TBC1D10A: variants seen among roughly 807,000 people sequenced by gnomAD.
The protein encoded by TBC1D10A is TBC1 domain family member 10A.
A neutral mutation model predicts 52.9 loss-of-function variants in TBC1D10A; 24 were observed. The observed-to-expected ratio is 0.45, with a 90% CI of 0.33 to 0.64. TBC1D10A has a LOEUF of 0.64. Among genes scored for constraint, TBC1D10A ranks in the 30% least tolerant of loss-of-function variants. The pLI, the probability that TBC1D10A is intolerant of heterozygous loss-of-function variation, is 0.02. For synonymous variants in TBC1D10A, 278 were observed against 282.9 expected (o/e 0.98, Z 0.17); for missense variants, 602 against 687.9 (o/e 0.88, Z 1.40).
intron 1 of TBC1D10A, among the ~76,000 whole-genome samples, chr22:30,308,671 C>A (rs534626882): frequency 1.3e-5 from 2 of 152,220 alleles, no homozygotes; most frequent in Non-Finnish European, 2.9e-5. Context: ...TTACTCAGCA[C>A]TGTCCCTCCC....
intron 1 of TBC1D10A, chr22:30,318,594 A>C (rs1051852559): frequency 5.7e-5 from 27 of 470,882 alleles, no homozygotes; most frequent in African/African-American, 5.4e-4. Context: ...CCCTGTAGCC[A>C]GAGGGCTCCA....
At chr22:30,319,763 G>A (rs1369496359) in intron 1 of TBC1D10A, among the ~76,000 whole-genome samples, 4 of 152,120 alleles carry the variant, frequency 2.6e-5, no homozygotes, top group African/African-American at 9.7e-5. Context: ...AGGGTCTCTG[G>A]GCCCAGGATT....
intron 1 of TBC1D10A, among the ~76,000 whole-genome samples, chr22:30,311,958 A>G (rs930148884): frequency 6.6e-6 from 1 of 151,910 alleles, no homozygotes. Flanking sequence ...ATGCCCCACT[A>G]AGTTTTGCAT....
intron 1 of TBC1D10A, among the ~76,000 whole-genome samples, chr22:30,325,789 GCTGTCT>G (rs1160129519): frequency 1.3e-5 from 2 of 152,142 alleles, no homozygotes; most frequent in African/African-American, 4.8e-5. Context: ...CAGGGACCCT[GCTGTCT>G]CCCTGCCTGC....
At chr22:30,308,288 C>CTGCA (rs199585965) in intron 1 of TBC1D10A, among the ~76,000 whole-genome samples, 36,338 of 144,514 alleles carry the variant, frequency 0.25, 4,677 homozygotes, top group East Asian at 0.36. Flanking sequence ...GCCTGCATGC[C>CTGCA]TGCATGCCTG....
intron 2 of TBC1D10A, chr22:30,299,822 C>A (rs1295822620): frequency 6.9e-6 from 2 of 291,692 alleles, no homozygotes; most frequent in South Asian, 3.7e-5. Context: ...CAAAAATTAG[C>A]TGGGTGTGGT....
At chr22:30,301,093 A>G (rs1167053897) in intron 2 of TBC1D10A, among the ~76,000 whole-genome samples, 2 of 152,226 alleles carry the variant, frequency 1.3e-5, no homozygotes, top group Middle Eastern at 3.2e-3. Flanking sequence ...TTGTCATACA[A>G]TCAGAAACCC....
rs548316754 is a variant in TBC1D10A, at chr22:30,318,527, G to A, written c.209+8146C>T. ...TTGGGGAGCCCAGAGCTGTGACAACGCAGAGTCACAGCAGCCCACTGCCCT... is the reference window on the plus strand; with the variant it reads ...TTGGGGAGCCCAGAGCTGTGACAACACAGAGTCACAGCAGCCCACTGCCCT... On this transcript the variant is annotated intron_variant, in intron 1 of 8. Transcript: ENST00000215790. 1.8e-5 allele frequency: 8 copies of A among 445,462 alleles called. No homozygotes were observed. The East Asian group carries it at 2.1e-4, about 12-fold the overall frequency. 27.6% of individuals were successfully genotyped at this position (445,462 alleles called of 1,614,324 possible). A position where few individuals can be genotyped will look rare whatever the true frequency, so the allele number is the denominator to read the frequency against.
At chr22:30,314,403 T>G (rs959737954) in intron 1 of TBC1D10A, among the ~76,000 whole-genome samples, 2 of 152,218 alleles carry the variant, frequency 1.3e-5, no homozygotes, top group Non-Finnish European at 2.9e-5. Context: ...AACGAGGTGA[T>G]GTAGGTGAAA....
chr22:30,321,742 C>G (rs1307762628), intron 1 of TBC1D10A, among the ~76,000 whole-genome samples: 3 of 151,876 alleles, frequency 2.0e-5, no homozygotes, highest in Non-Finnish European at 4.4e-5. Context: ...CCAGACCTGA[C>G]AATCACATAG....
At chr22:30,299,848 T>C in intron 2 of TBC1D10A, 1 of 244,818 alleles carries the variant, frequency 4.1e-6, no homozygotes, top group Non-Finnish European at 8.1e-6. Context: ...GCGCCTGTAA[T>C]CCTAGCGACT....
intron 1 of TBC1D10A, among the ~76,000 whole-genome samples, chr22:30,308,324 A>ATGCCTGCCTGCC (rs141019001): frequency 6.8e-6 from 1 of 147,764 alleles, no homozygotes; most frequent in African/African-American, 2.5e-5. Flanking sequence ...GCATGCCTGC[A>ATGCCTGCCTGCC]TGCCTGCATG....
At chr22:30,320,660 G>C (rs1276614532) in intron 1 of TBC1D10A, among the ~76,000 whole-genome samples, 1 of 152,146 alleles carries the variant, frequency 6.6e-6, no homozygotes, top group East Asian at 1.9e-4. Context: ...ACAGGGGCTG[G>C]GCCTCACTGA....
At chr22:30,301,962 T>A (rs1396253679) in intron 2 of TBC1D10A, among the ~76,000 whole-genome samples, 1 of 152,216 alleles carries the variant, frequency 6.6e-6, no homozygotes, top group Non-Finnish European at 1.5e-5. Flanking sequence ...CAAAGGGATG[T>A]GCTTTAGCCC....
At chr22:30,326,083 A>G (rs1930764752) in intron 1 of TBC1D10A, among the ~76,000 whole-genome samples, 1 of 142,184 alleles carries the variant, frequency 7.0e-6, no homozygotes. Context: ...GAGGGGAGGG[A>G]GGTGACCAAT....
chr22:30,309,241 AT>A (rs5844902), intron 1 of TBC1D10A, among the ~76,000 whole-genome samples: 111 of 145,672 alleles, frequency 7.6e-4, no homozygotes, highest in Admixed American at 1.1e-3. Flanking sequence ...GTAATCTGCC[AT>A]TTTTTTTTTT....
chr22:30,310,157 T>C (rs1930396309), intron 1 of TBC1D10A, among the ~76,000 whole-genome samples: 1 of 152,212 alleles, frequency 6.6e-6, no homozygotes, highest in African/African-American at 2.4e-5. Context: ...TGCCATCTAC[T>C]AACTGGGAGA....
chr22:30,292,394 C>T lies in TBC1D10A; in HGVS notation c.1508G>A (p.Ser503Asn). 6.4e-7 allele frequency: 1 copy of T among 1,557,544 alleles called. No individual in the cohort carries two copies. The highest frequency in any genetic ancestry group is 2.3e-5 in the East Asian group (1 of 44,324). The change falls in exon 9 of 9, where the codon AGT becomes AAT. Residue 503 changes from serine to asparagine, a missense_variant. Physicochemically the swap from Ser to Asn is conservative, Grantham distance 46. Transcript: ENST00000215790. ...CCAGGGTTACAAGTAGGTGTCCTCA[C>T]TCTCTTGGGACGTCAAGCTCTCCTG... ...RSQESLTSQE[S>N]EDTYL
intron 1 of TBC1D10A, among the ~76,000 whole-genome samples, chr22:30,311,082 G>A (rs541746000): frequency 9.8e-4 from 149 of 152,326 alleles, no homozygotes; most frequent in Non-Finnish European, 1.8e-3. Flanking sequence ...AAAGTGAAGT[G>A]AGGACAAACA....
Sources: gnomAD v4.1 joint callset for allele counts (sites outside exome capture counted in the v4.1 genomes callset) on GRCh38, gnomAD v4.1.1 for gene constraint, MANE v1.5 for transcripts, NCBI Gene and HGNC (gene_info 2026-07-23, HGNC 2026-07-21) for gene names.